Variants in ACVR1C observed in about 807,000 individuals in gnomAD.
ACVR1C encodes the protein activin receptor type-1C.
A neutral mutation model predicts 57.9 loss-of-function variants in ACVR1C; 23 were observed. The ratio of observed to expected loss-of-function variants is 0.40; its 90% CI spans 0.29 to 0.56. ACVR1C has a LOEUF of 0.56. Among genes scored for constraint, ACVR1C ranks in the 20% least tolerant of loss-of-function variants. The pLI is 0.50. For missense variants in ACVR1C, 480 were observed against 607.9 expected (o/e 0.79, Z 2.21); for synonymous variants, 214 against 215.3 (o/e 0.99, Z 0.05).
At position 157,529,368 on chromosome 2, in the gene ACVR1C, CTGAG is replaced by C. The variant is rs1308985055; in HGVS notation, c.*4546_*4549del. On this transcript the variant is annotated 3_prime_UTR_variant, in exon 9 of 9. Coordinates refer to ENST00000243349, the MANE Select transcript of ACVR1C (RefSeq NM_145259.3). ...TTTAGTTTTTCTCATTGACCTCACT[CTGAG>C]TGAGTAAATTATTTTAGTAGAAACC... 2 of 152,124 alleles carry C rather than the reference CTGAG, an allele frequency of 1.3e-5. No individual in the cohort carries two copies. Among genetic ancestry groups the C allele is most frequent in the Non-Finnish European group, 2.9e-5 (2 of 67,982 alleles). 9.4% of individuals were successfully genotyped at this position (152,124 alleles called of 1,614,324 possible). A position where few individuals can be genotyped will look rare whatever the true frequency, so the allele number is the denominator to read the frequency against.
intron 1 of ACVR1C, among the ~76,000 whole-genome samples, chr2:157,625,948 C>T (rs1205924435): frequency 6.6e-6 from 1 of 152,120 alleles, no homozygotes; most frequent in Non-Finnish European, 1.5e-5. Flanking sequence ...ACCAGAGCAA[C>T]TCAGAGGAGC....
At chr2:157,565,575 A>G (rs1207853151) in intron 2 of ACVR1C, among the ~76,000 whole-genome samples, 1 of 152,208 alleles carries the variant, frequency 6.6e-6, no homozygotes. Flanking sequence ...GAATAAGGAC[A>G]GAAGATTTTC....
At chr2:157,615,363 T>C (rs1157805941) in intron 1 of ACVR1C, among the ~76,000 whole-genome samples, 2 of 150,934 alleles carry the variant, frequency 1.3e-5, no homozygotes, top group African/African-American at 4.9e-5. Flanking sequence ...TGGTGCATGC[T>C]TTGAGGTTTT....
chr2:157,615,639 G>T (rs76270141), intron 1 of ACVR1C, among the ~76,000 whole-genome samples: 1 of 152,048 alleles, frequency 6.6e-6, no homozygotes, highest in Admixed American at 6.6e-5. Context: ...GCCTCCCAAA[G>T]TGCTGGGATT....
Position 157,550,146 on chromosome 2 carries a change from AT to A in ACVR1C, c.775+15del, listed in dbSNP as rs1687880623. 3 of 1,612,290 alleles carry A rather than the reference AT, an allele frequency of 1.9e-6. No individual in the cohort carries two copies. The highest frequency in any genetic ancestry group is 1.7e-6 in the Non-Finnish European group (2 of 1,178,384). On this transcript the variant is annotated intron_variant, in intron 4 of 8. Coordinates refer to ENST00000243349, the MANE Select transcript of ACVR1C (RefSeq NM_145259.3). Reference sequence around the variant, plus strand: ...CAGCATTTTTTACTTGTTGAACACAATTAGATTGGAAATACCTTTGTTGTCA... The same window carrying A: ...CAGCATTTTTTACTTGTTGAACACAATAGATTGGAAATACCTTTGTTGTCA...
chr2:157,620,577 T>G (rs1682750149), intron 1 of ACVR1C, among the ~76,000 whole-genome samples: 1 of 152,162 alleles, frequency 6.6e-6, no homozygotes, highest in African/African-American at 2.4e-5. Context: ...TGGATACGTA[T>G]GCATTAAAAA....
chr2:157,550,993 C>A (rs1426855098), intron 3 of ACVR1C, among the ~76,000 whole-genome samples: 1 of 152,044 alleles, frequency 6.6e-6, no homozygotes, highest in East Asian at 1.9e-4. Flanking sequence ...ATGTATAACG[C>A]TTATATTCTT....
At chr2:157,597,715 T>C (rs1682170005) in intron 1 of ACVR1C, among the ~76,000 whole-genome samples, 1 of 152,326 alleles carries the variant, frequency 6.6e-6, no homozygotes, top group East Asian at 1.9e-4. Flanking sequence ...AAAATAATCA[T>C]AAAATGTCGC....
At chr2:157,541,066 CA>C in intron 7 of ACVR1C, 23 bp downstream of exon 7, 1 of 1,607,878 alleles carries the variant, frequency 6.2e-7, no homozygotes, top group Non-Finnish European at 8.5e-7. Flanking sequence ...AAGGCAAACA[CA>C]AAGGATATTT....
intron 1 of ACVR1C, among the ~76,000 whole-genome samples, chr2:157,612,350 C>A (rs1261285702): frequency 1.3e-5 from 2 of 151,634 alleles, no homozygotes; most frequent in African/African-American, 2.4e-5. Context: ...AGGCAGCCCA[C>A]CCCAGCCTCT....
At position 157,554,335 on chromosome 2, in the gene ACVR1C, AAG is replaced by A. The variant is rs756117911; in HGVS notation, c.544+1756_544+1757del. On this transcript the variant is annotated intron_variant, in intron 3 of 8. Transcript: ENST00000243349. ...GAAAAGAAAAAGAAAAAGAAAGAGA[AAG>A]AGAGAAAGAAAGAAAGAGAAAGAAA... 3.1e-4 allele frequency among the ~76,000 whole-genome samples: 45 copies of A among 145,852 alleles called. 2 individuals carry two copies. Among genetic ancestry groups the A allele is most frequent in the Non-Finnish European group, 4.3e-4 (29 of 66,800 alleles).
intron 7 of ACVR1C, 125 bp from the exon 8 acceptor site, chr2:157,538,828 T>C (rs1388503047): frequency 6.0e-6 from 4 of 663,792 alleles, no homozygotes; most frequent in Non-Finnish European, 6.5e-6. Context: ...GTCAAGTTTA[T>C]TAAAATAATG....
chr2:157,556,153 T>G lies in ACVR1C; in HGVS notation c.484A>C (p.Asn162His). The part of the protein sequence containing the change: ...EEPLSECNLV[N>H]AGKTLKDLIY... The stretch of plus-strand genomic sequence containing the variant: ...AGATCTTTCAGAGTTTTTCCAGCAT[T>G]TACCAGATTGCACTCAGAGAGTGGT... Residue 162 changes from asparagine to histidine, a missense_variant, in exon 3 of 9, where the codon AAT becomes CAT. Coordinates refer to ENST00000243349, the MANE Select transcript of ACVR1C (RefSeq NM_145259.3). 6.2e-7 allele frequency: 1 copy of G among 1,614,114 alleles called. No individual in the cohort carries two copies. Among genetic ancestry groups the G allele is most frequent in the East Asian group, 2.2e-5 (1 of 44,886 alleles).
intron 1 of ACVR1C, among the ~76,000 whole-genome samples, chr2:157,622,391 C>T (rs1191985805): frequency 6.6e-6 from 1 of 152,122 alleles, no homozygotes; most frequent in African/African-American, 2.4e-5. Flanking sequence ...GTAACCAAAA[C>T]AGCATGGTAC....
chr2:157,550,339 T>A lies in ACVR1C; in HGVS notation c.598A>T (p.Ile200Leu). Reference sequence around the variant, plus strand: ...TCACCAAATCTACCTTTTCCTACTATTTCCTGAAGCACAATCGTCCTTGCA... The same window carrying A: ...TCACCAAATCTACCTTTTCCTACTAATTCCTGAAGCACAATCGTCCTTGCA... ...TIARTIVLQEIVGKGRFGEVW... is the reference protein window; with the variant it reads ...TIARTIVLQELVGKGRFGEVW... The change falls in exon 4 of 9, where the codon ATA (isoleucine) becomes TTA (leucine). Residue 200 changes from isoleucine to leucine, a missense_variant. By Grantham distance (5) the Ile-to-Leu change is conservative (BLOSUM62 2). Coordinates refer to ENST00000243349, the MANE Select transcript of ACVR1C (RefSeq NM_145259.3). 1 of 1,614,176 alleles carries A rather than the reference T, an allele frequency of 6.2e-7. No individual in the cohort carries two copies. The highest frequency in any genetic ancestry group is 8.5e-7 in the Non-Finnish European group (1 of 1,180,028).
At chr2:157,590,362 A>C (rs925693517) in intron 1 of ACVR1C, among the ~76,000 whole-genome samples, 6 of 151,870 alleles carry the variant, frequency 4.0e-5, no homozygotes, top group Non-Finnish European at 7.4e-5. Flanking sequence ...ACTTTTACTT[A>C]ACTTCAAATA....
intron 3 of ACVR1C, among the ~76,000 whole-genome samples, chr2:157,554,510 G>C (rs545788400): frequency 2.0e-5 from 3 of 152,032 alleles, no homozygotes; most frequent in Non-Finnish European, 2.9e-5. Context: ...CAGTTTGGGG[G>C]TTTTCTTACC....
intron 1 of ACVR1C, among the ~76,000 whole-genome samples, chr2:157,600,617 C>T (rs1199615364): frequency 6.6e-5 from 10 of 152,164 alleles, no homozygotes. Flanking sequence ...TCCACAGTTA[C>T]ATATTTACAT....
chr2:157,551,953 T>G (rs142820680), intron 3 of ACVR1C, among the ~76,000 whole-genome samples: 1 of 152,330 alleles, frequency 6.6e-6, no homozygotes, highest in Non-Finnish European at 1.5e-5. Flanking sequence ...TTTGAAATTA[T>G]CTGGTTCAAC....
Sources: gnomAD v4.1 joint callset for allele counts (sites outside exome capture counted in the v4.1 genomes callset) on GRCh38, gnomAD v4.1.1 for gene constraint, MANE v1.5 for transcripts, NCBI Gene and HGNC (gene_info 2026-07-23, HGNC 2026-07-21) for gene names.